Variants in DSCAM observed in about 807,000 individuals in gnomAD.
DSCAM encodes cell adhesion molecule DSCAM.
A neutral mutation model predicts 217.7 loss-of-function variants in DSCAM; 47 were observed. That is an observed-to-expected ratio of 0.22 (90% CI 0.17 to 0.28). DSCAM has a LOEUF of 0.28. Among genes scored for constraint, DSCAM ranks in the 10% least tolerant of loss-of-function variants. DSCAM has a pLI of 1.00. For missense variants in DSCAM, 2,080 were observed against 2,618.3 expected, an observed-to-expected ratio of 0.79 and a Z score of 4.49; for synonymous variants, 1,056 against 1,015.3, an observed-to-expected ratio of 1.04 and a Z score of -0.76.
chr21:40,545,458 C>G (rs2076574578), intron 3 of DSCAM, among the ~76,000 whole-genome samples: 5 of 152,128 alleles, frequency 3.3e-5, no homozygotes. Context: ...GTTAAACAGC[C>G]TCACCTGCAA....
chr21:40,663,611 G>T (rs1175962715), intron 3 of DSCAM, among the ~76,000 whole-genome samples: 1 of 152,134 alleles, frequency 6.6e-6, no homozygotes, highest in African/African-American at 2.4e-5. Context: ...TCACAGATAG[G>T]CATGTGACAT....
intron 1 of DSCAM, among the ~76,000 whole-genome samples, chr21:40,760,835 C>G (rs1221666172): frequency 2.6e-5 from 4 of 152,172 alleles, no homozygotes; most frequent in Non-Finnish European, 4.4e-5. Flanking sequence ...TGGCACCAAG[C>G]CTTCTAATAC....
At chr21:40,510,078 T>A (rs1473895799) in intron 3 of DSCAM, among the ~76,000 whole-genome samples, 1 of 152,098 alleles carries the variant, frequency 6.6e-6, no homozygotes, top group East Asian at 1.9e-4. Flanking sequence ...TCAGCTGAGA[T>A]CGCCCCACTG....
chr21:40,689,968 C>G (rs1177787877), intron 3 of DSCAM, among the ~76,000 whole-genome samples: 2 of 152,190 alleles, frequency 1.3e-5, no homozygotes, highest in Non-Finnish European at 2.9e-5. Context: ...GGCTCAGCCC[C>G]AGCCAGTGTG....
At chr21:40,257,887 A>G (rs571523702) in intron 11 of DSCAM, among the ~76,000 whole-genome samples, 14 of 152,180 alleles carry the variant, frequency 9.2e-5, no homozygotes, top group Non-Finnish European at 1.8e-4. Context: ...GTTTATGGCT[A>G]CAGAAAGCCC....
chr21:40,746,629 T>C (rs2091177582), intron 1 of DSCAM, among the ~76,000 whole-genome samples: 1 of 151,784 alleles, frequency 6.6e-6, no homozygotes, highest in African/African-American at 2.4e-5. Flanking sequence ...GTAGGGAACT[T>C]TAATACCCCT....
chr21:40,781,905 T>C (rs1266809087), intron 1 of DSCAM, among the ~76,000 whole-genome samples: 1 of 144,048 alleles, frequency 6.9e-6, no homozygotes, highest in Non-Finnish European at 1.5e-5. Flanking sequence ...TCCCAGCACT[T>C]TGGGAGGCCG....
intron 3 of DSCAM, among the ~76,000 whole-genome samples, chr21:40,621,064 A>G (rs912635000): frequency 2.6e-5 from 4 of 152,238 alleles, no homozygotes; most frequent in African/African-American, 7.2e-5. Flanking sequence ...AGTGGTTACT[A>G]AAGTTGGGAG....
intron 3 of DSCAM, among the ~76,000 whole-genome samples, chr21:40,453,152 T>A (rs2075735722): frequency 6.6e-6 from 1 of 151,932 alleles, no homozygotes; most frequent in Non-Finnish European, 1.5e-5. Flanking sequence ...CACACACTTA[T>A]GTGAATTACT....
intron 3 of DSCAM, among the ~76,000 whole-genome samples, chr21:40,617,495 G>A (rs2089419274): frequency 6.6e-6 from 1 of 152,152 alleles, no homozygotes; most frequent in South Asian, 2.1e-4. Flanking sequence ...CCCCCTCCCA[G>A]CTCCTTCTAG....
At chr21:40,287,333 G>T (rs1051417648) in intron 10 of DSCAM, among the ~76,000 whole-genome samples, 2 of 152,210 alleles carry the variant, frequency 1.3e-5, no homozygotes, top group Non-Finnish European at 2.9e-5. Context: ...CAGAAAATCT[G>T]CTCTAGAATT....
At chr21:40,127,866 C>G (rs919826731) in intron 19 of DSCAM, among the ~76,000 whole-genome samples, 1 of 152,114 alleles carries the variant, frequency 6.6e-6, no homozygotes, top group East Asian at 1.9e-4. Context: ...CAACACTGAG[C>G]TCTGTTTCAG....
chr21:40,461,221 G>A (rs946456275), intron 3 of DSCAM, among the ~76,000 whole-genome samples: 5 of 152,198 alleles, frequency 3.3e-5, no homozygotes, highest in African/African-American at 1.2e-4. Flanking sequence ...CATGCATAGA[G>A]TAGCTCTGAA....
intron 3 of DSCAM, among the ~76,000 whole-genome samples, chr21:40,474,045 C>A (rs550565637): frequency 1.4e-4 from 22 of 152,290 alleles, no homozygotes; most frequent in South Asian, 4.1e-4. Flanking sequence ...GTATTCCTAG[C>A]ACTTTGGGAG....
chr21:40,613,128 C>T (rs1358532993), intron 3 of DSCAM, among the ~76,000 whole-genome samples: 1 of 152,154 alleles, frequency 6.6e-6, no homozygotes, highest in Non-Finnish European at 1.5e-5. Flanking sequence ...TATCTGAAAA[C>T]TGCACATCAT....
At chr21:40,632,629 T>C (rs905203353) in intron 3 of DSCAM, among the ~76,000 whole-genome samples, 3 of 152,196 alleles carry the variant, frequency 2.0e-5, no homozygotes, top group Non-Finnish European at 1.5e-5. Context: ...GTTTTGCTTA[T>C]TGGAATAACA....
chr21:40,229,495 A>G (rs424372), intron 11 of DSCAM, among the ~76,000 whole-genome samples: 80,592 of 152,044 alleles, frequency 0.53, 22,834 homozygotes, highest in African/African-American at 0.74. Flanking sequence ...AATGTCCTGC[A>G]TGCTTCACCT....
chr21:40,577,194 T>C (rs550187906), intron 3 of DSCAM, among the ~76,000 whole-genome samples: 11 of 151,076 alleles, frequency 7.3e-5, no homozygotes, highest in African/African-American at 2.7e-4. Context: ...CCATCCCTTA[T>C]TATGGAGAAA....
chr21:40,316,707 C>T (rs959798429), intron 8 of DSCAM, among the ~76,000 whole-genome samples: 10 of 152,128 alleles, frequency 6.6e-5, no homozygotes, highest in Non-Finnish European at 1.5e-4. Context: ...CATTTATTAC[C>T]AGGCTTGTGT....
Sources: allele counts gnomAD v4.1 joint callset (sites outside exome capture counted in the v4.1 genomes callset), GRCh38; gene constraint gnomAD v4.1.1; transcripts MANE v1.5; gene names NCBI Gene and HGNC (gene_info 2026-07-23, HGNC 2026-07-21).